Variants in SPTBN4 observed in about 807,000 individuals in gnomAD.
SPTBN4 encodes the protein spectrin beta, non-erythrocytic 4, also known as spectrin beta chain, non-erythrocytic 4.
In SPTBN4, 96 loss-of-function variants were observed where a neutral mutation model predicts 277.8. The ratio of observed to expected loss-of-function variants is 0.35; its 90% CI spans 0.29 to 0.41. SPTBN4 has a LOEUF of 0.41. Ranked by LOEUF, SPTBN4 falls within the 10% of genes least tolerant of loss-of-function variation. The probability of loss-of-function intolerance (pLI) is 1.00; values close to 1 mark genes in which losing one functional copy is unlikely to be tolerated. For synonymous variants in SPTBN4, 1,481 were observed against 1,580.3 expected, an observed-to-expected ratio of 0.94 and a Z score of 1.49; for missense variants, 3,006 against 3,595.7, an observed-to-expected ratio of 0.84 and a Z score of 4.19.
At chr19:40,567,207 A>G (rs1299403561) in intron 30 of SPTBN4, 1 of 449,430 alleles carries the variant, frequency 2.2e-6, no homozygotes, top group African/African-American at 2.0e-5. Flanking sequence ...CTGAGACTCG[A>G]GGATCACTTG....
At chr19:40,569,289 G>A (rs2081126410) in intron 31 of SPTBN4, among the ~76,000 whole-genome samples, 1 of 152,014 alleles carries the variant, frequency 6.6e-6, no homozygotes, top group Non-Finnish European at 1.5e-5. Context: ...AGCCGGCATG[G>A]TGGCGCACGC....
At chr19:40,567,198 T>C (rs756743516) in intron 30 of SPTBN4, 2 of 451,114 alleles carry the variant, frequency 4.4e-6, no homozygotes, top group South Asian at 3.1e-5. Flanking sequence ...GAGGGGTGAC[T>C]GAGACTCGAG....
At position 40,515,938 on chromosome 19, in the gene SPTBN4, T is replaced by G. The variant is rs1175088710; in HGVS notation, c.2903+490T>G. On this transcript the variant is annotated intron_variant, in intron 15 of 35. Coordinates refer to ENST00000598249, the MANE Select transcript of SPTBN4 (RefSeq NM_020971.3). The surrounding 1 kb of genome is among the most constrained non-coding windows in gnomAD (Gnocchi z 4.1). ...ACACACACATATATATACACACATA[T>G]ATACGTATATATACACATATATACG... 4.1e-5 allele frequency among the ~76,000 whole-genome samples: 3 copies of G among 73,720 alleles called. No homozygotes were observed. The highest frequency in any genetic ancestry group is 1.0e-4 in the African/African-American group (2 of 19,306). The allele number at this position is 73,720 out of a possible 152,430, so 48.4% of individuals were successfully genotyped here. A position where few individuals can be genotyped will look rare whatever the true frequency, so the allele number is the denominator to read the frequency against.
At chr19:40,481,025 A>C (rs964394676) in intron 2 of SPTBN4, among the ~76,000 whole-genome samples, 3 of 152,116 alleles carry the variant, frequency 2.0e-5, no homozygotes, top group African/African-American at 7.2e-5. Context: ...AGATAGTGCC[A>C]CTGGACTCTA....
At chr19:40,562,945 C>T (rs2081058177) in intron 27 of SPTBN4, among the ~76,000 whole-genome samples, 1 of 152,188 alleles carries the variant, frequency 6.6e-6, no homozygotes, top group East Asian at 1.9e-4. Flanking sequence ...AAAGAGGTGG[C>T]TCACGCCTGT....
chr19:40,551,964 A>T (rs1424594868), intron 22 of SPTBN4, among the ~76,000 whole-genome samples: 1 of 151,354 alleles, frequency 6.6e-6, no homozygotes, highest in Non-Finnish European at 1.5e-5. Context: ...ACTGTACTCC[A>T]GCCTGGGTGA....
In SPTBN4 at chr19:40,515,469, G is replaced by A. The variant is rs372733971; in HGVS notation, c.2903+21G>A. 48 of 1,541,142 alleles carry A rather than the reference G, an allele frequency of 3.1e-5. No homozygotes were observed. In the African/African-American group the frequency reaches 5.9e-4, roughly 19 times the overall value. The stretch of plus-strand genomic sequence containing the variant: ...AGCAGGTAGGAGGGCCTGGGGCTGG[G>A]AGTCCCTCCCATCCTTCCCTTCCAC... On this transcript the variant is annotated intron_variant, in intron 15 of 35. Transcript: ENST00000598249. The surrounding 1 kb of genome is among the most constrained non-coding windows in gnomAD (Gnocchi z 4.1).
intron 22 of SPTBN4, among the ~76,000 whole-genome samples, chr19:40,551,318 G>A (rs1214909035): frequency 6.6e-6 from 1 of 151,968 alleles, no homozygotes; most frequent in Non-Finnish European, 1.5e-5. Context: ...TGAGTCCAGA[G>A]GTCAAAGCTG....
In SPTBN4 at chr19:40,471,155, CA is replaced by C. The variant is rs1380774581; in HGVS notation, c.-15-1451del. On this transcript the variant is annotated intron_variant, in intron 1 of 35. Coordinates refer to ENST00000598249, the MANE Select transcript of SPTBN4 (RefSeq NM_020971.3). The stretch of plus-strand genomic sequence containing the variant: ...AGAGACAGGGTTTCACCATGTTGGC[CA>C]GGCCGGTCTTGAACTCCTGACCTCA... Among the ~76,000 whole-genome samples, 16 of 152,058 alleles carry C rather than the reference CA, an allele frequency of 1.1e-4. 1 individual carries two copies. Among genetic ancestry groups the C allele is most frequent in the African/African-American group, 3.6e-4 (15 of 41,418 alleles).
In SPTBN4 at chr19:40,512,691, G is replaced by A. The variant is rs1203906682; in HGVS notation, c.1902G>A (p.Ala634=). Residue 634 remains alanine (A), a synonymous_variant, in exon 14 of 36, where the codon GCG becomes GCA. Transcript: ENST00000598249. ...TGGCGGAGCTGCAGGAGCAGGCAGC[G>A]CGGCGACGCGCGGAGCTGGAGGCTT... ...GCLAELQEQA[A]RRRAELEASR... 3.3e-6 allele frequency: 5 copies of A among 1,528,274 alleles called. No homozygotes were observed. The highest frequency in any genetic ancestry group is 2.5e-5 in the East Asian group (1 of 39,622). The allele number at this position is 1,528,274 out of a possible 1,614,324, so 94.7% of individuals were successfully genotyped here.
chr19:40,534,455 T>C (rs2080712907), intron 20 of SPTBN4, 112 bp downstream of exon 20: 1 of 1,357,724 alleles, frequency 7.4e-7, no homozygotes, highest in South Asian at 1.5e-5. Flanking sequence ...AGGGATTTAT[T>C]TCAAACTTGT....
At chr19:40,503,582 G>A (rs2080287751) in intron 11 of SPTBN4, among the ~76,000 whole-genome samples, 1 of 151,846 alleles carries the variant, frequency 6.6e-6, no homozygotes, top group South Asian at 2.1e-4. Flanking sequence ...GGGCAACAGG[G>A]GATGGGGGGT....
At chr19:40,520,505 T>C (rs762898832) in intron 16 of SPTBN4, among the ~76,000 whole-genome samples, 34 of 152,132 alleles carry the variant, frequency 2.2e-4, no homozygotes, top group Non-Finnish European at 3.5e-4. Context: ...ATGAGGTTGA[T>C]TGGCGATGGT....
At chr19:40,555,681 G>A (rs1296794948) in intron 24 of SPTBN4, among the ~76,000 whole-genome samples, 1 of 151,864 alleles carries the variant, frequency 6.6e-6, no homozygotes, top group African/African-American at 2.4e-5. Flanking sequence ...TCTCAACACT[G>A]GGAGGCTGAG....
intron 2 of SPTBN4, among the ~76,000 whole-genome samples, chr19:40,476,375 A>G (rs1481081717): frequency 6.6e-6 from 1 of 151,146 alleles, no homozygotes; most frequent in Non-Finnish European, 1.5e-5. Context: ...AGAGAGAGAG[A>G]GAAATCTGTA....
intron 3 of SPTBN4, among the ~76,000 whole-genome samples, chr19:40,489,787 G>A (rs1184738933): frequency 6.6e-6 from 1 of 152,170 alleles, no homozygotes; most frequent in Non-Finnish European, 1.5e-5. Flanking sequence ...TGATGGGGGC[G>A]TGGTTATCAG....
chr19:40,575,902 C>A lies in SPTBN4; in HGVS notation c.*333C>A. ...CAGCCCCGATCTGCAGATCCTGCCC[C>A]AAGAAGCTGGGGTGGTGGGGGCAGT... is the stretch of plus-strand genomic sequence containing the variant. On this transcript the variant is annotated 3_prime_UTR_variant, in exon 36 of 36. Transcript: ENST00000598249. 1 of 207,924 alleles carries A rather than the reference C, an allele frequency of 4.8e-6. No homozygotes were observed. Among genetic ancestry groups the A allele is most frequent in the East Asian group, 1.3e-4 (1 of 7,742 alleles). The allele number at this position is 207,924 out of a possible 1,614,324, so 12.9% of individuals were successfully genotyped here.
chr19:40,492,894 T>C, intron 4 of SPTBN4, 69 bp from the exon 5 acceptor site: 2 of 1,372,334 alleles, frequency 1.5e-6, no homozygotes, highest in Admixed American at 1.7e-5. Flanking sequence ...TGGTAGCAGA[T>C]GGTGAGTGGG....
chr19:40,492,466 G>A (rs1407442671), intron 4 of SPTBN4, among the ~76,000 whole-genome samples: 2 of 152,180 alleles, frequency 1.3e-5, no homozygotes, highest in African/African-American at 2.4e-5. Context: ...CAGGTATGGA[G>A]TGGAGTGAGC....
Sources: gnomAD v4.1 joint callset for allele counts (sites outside exome capture counted in the v4.1 genomes callset) on GRCh38, gnomAD v4.1.1 for gene constraint, Gnocchi (gnomAD v3.1) non-coding constraint, MANE v1.5 for transcripts, NCBI Gene and HGNC (gene_info 2026-07-23, HGNC 2026-07-21) for gene names.